The following PRKG1 variants were observed in gnomAD, a reference collection of about 807,000 sequenced individuals.
PRKG1 encodes the protein protein kinase cGMP-dependent 1.
A neutral mutation model predicts 88.1 loss-of-function variants in PRKG1; 35 were observed. That is an observed-to-expected ratio of 0.40 (90% CI 0.30 to 0.53). The LOEUF is 0.53. Among genes scored for constraint, PRKG1 ranks in the 20% least tolerant of loss-of-function variants. The pLI, the probability that PRKG1 is intolerant of heterozygous loss-of-function variation, is 0.59. For synonymous variants in PRKG1, 303 were observed against 292.5 expected (o/e 1.04, Z -0.37); for missense variants, 540 against 839.8 (o/e 0.64, Z 4.41).
At chr10:51,975,344 A>G (rs1008617464) in intron 5 of PRKG1, among the ~76,000 whole-genome samples, 1 of 152,044 alleles carries the variant, frequency 6.6e-6, no homozygotes, top group African/African-American at 2.4e-5. Flanking sequence ...ATGGATGACT[A>G]TAAAGGCAAT....
chr10:52,290,353 A>C (rs1842212426), intron 17 of PRKG1, 63 bp downstream of exon 17: 1 of 1,337,030 alleles, frequency 7.5e-7, no homozygotes. Context: ...TCAGTCAACA[A>C]TGATCTGTTA....
At chr10:51,294,832 A>T (rs1386916171) in intron 2 of PRKG1, among the ~76,000 whole-genome samples, 6 of 152,068 alleles carry the variant, frequency 3.9e-5, no homozygotes, top group Admixed American at 3.9e-4. Context: ...CCATCACTTT[A>T]GAGGCTGAGA....
chr10:52,216,607 T>C (rs1407113512), intron 9 of PRKG1, among the ~76,000 whole-genome samples: 1 of 152,226 alleles, frequency 6.6e-6, no homozygotes, highest in Non-Finnish European at 1.5e-5. Context: ...CAGCCAGGTC[T>C]GCAGAGCATT....
chr10:51,639,384 A>G (rs921690144), intron 3 of PRKG1, among the ~76,000 whole-genome samples: 1 of 131,844 alleles, frequency 7.6e-6, no homozygotes, highest in Non-Finnish European at 1.6e-5. Flanking sequence ...CAGTGAGCCG[A>G]GATAGTGCCA....
intron 3 of PRKG1, among the ~76,000 whole-genome samples, chr10:51,759,407 C>T (rs1022801627): frequency 6.6e-6 from 1 of 152,052 alleles, no homozygotes; most frequent in African/African-American, 2.4e-5. Context: ...GCTGGGACTA[C>T]AGGCATGCAC....
At chr10:51,350,927 C>G (rs1463624910) in intron 2 of PRKG1, among the ~76,000 whole-genome samples, 2 of 152,082 alleles carry the variant, frequency 1.3e-5, no homozygotes, top group African/African-American at 4.8e-5. Context: ...CCCCCCATCC[C>G]CTGACAGGCC....
At chr10:52,035,156 A>C (rs982433066) in intron 5 of PRKG1, among the ~76,000 whole-genome samples, 1 of 152,162 alleles carries the variant, frequency 6.6e-6, no homozygotes, top group Non-Finnish European at 1.5e-5. Context: ...AAGGGAAGAA[A>C]TGACTGCGGT....
intron 2 of PRKG1, among the ~76,000 whole-genome samples, chr10:51,269,030 A>T (rs1222087300): frequency 6.6e-6 from 1 of 152,106 alleles, no homozygotes; most frequent in Non-Finnish European, 1.5e-5. Flanking sequence ...TCAGCAAGGA[A>T]AAAACAATCC....
chr10:51,731,105 G>A (rs193194932), intron 3 of PRKG1, among the ~76,000 whole-genome samples: 1 of 152,216 alleles, frequency 6.6e-6, no homozygotes, highest in African/African-American at 2.4e-5. Flanking sequence ...GCAGTGAGCC[G>A]ACATGATGCC....
intron 2 of PRKG1, among the ~76,000 whole-genome samples, chr10:51,401,422 A>G (rs1837736948): frequency 6.6e-6 from 1 of 152,094 alleles, no homozygotes; most frequent in African/African-American, 2.4e-5. Context: ...AATCCTTGTA[A>G]TATCCTAGGT....
At position 51,894,903 on chromosome 10, in the gene PRKG1, G is replaced by C. The variant is rs574402542; in HGVS notation, c.699-12604G>C. Among the ~76,000 whole-genome samples, 7 of 152,252 alleles carry C rather than the reference G, an allele frequency of 4.6e-5. No homozygotes were observed. The South Asian group carries it at 1.0e-3, about 23-fold the overall frequency. The stretch of plus-strand genomic sequence containing the variant: ...GCTTGGCCTGACTTCTTATTTGTAT[G>C]TTAGAGATGAGAACACTGAGTTTCA... On this transcript the variant is annotated intron_variant, in intron 4 of 17. Transcript: ENST00000373980.
chr10:51,029,313 C>T (rs2132744126), intron 1 of PRKG1, among the ~76,000 whole-genome samples: 1 of 152,240 alleles, frequency 6.6e-6, no homozygotes, highest in Middle Eastern at 3.4e-3. Context: ...TCATTATAAC[C>T]AAGGGCTGTG....
Position 52,257,955 on chromosome 10 carries a change from T to C in PRKG1, c.1173+6289T>C, listed in dbSNP as rs1194188416. 1.4e-5 allele frequency among the ~76,000 whole-genome samples: 2 copies of C among 139,474 alleles called. 1 individual carries two copies. The highest frequency in any genetic ancestry group is 3.2e-5 in the Non-Finnish European group (2 of 61,784). The allele number at this position is 139,474 out of a possible 152,430, so 91.5% of individuals were successfully genotyped here. On this transcript the variant is annotated intron_variant, in intron 10 of 17. Coordinates refer to ENST00000373980, the MANE Select transcript of PRKG1 (RefSeq NM_006258.4). ...GTAGTAAAGCTTATCTCTACTTTGG[T>C]ATATGCAAATAAAGTAAGATAAGCA...
chr10:51,125,876 A>G (rs1447803263), intron 1 of PRKG1, among the ~76,000 whole-genome samples: 3 of 139,006 alleles, frequency 2.2e-5, no homozygotes, highest in Non-Finnish European at 4.6e-5. Context: ...AATTTTTAAT[A>G]AACTTATATG....
intron 3 of PRKG1, among the ~76,000 whole-genome samples, chr10:51,591,184 C>A (rs559197444): frequency 1.3e-5 from 2 of 152,060 alleles, no homozygotes; most frequent in African/African-American, 4.8e-5. Context: ...TGCACACATA[C>A]ACGCATGCAT....
At chr10:51,552,577 A>C (rs896593715) in intron 3 of PRKG1, among the ~76,000 whole-genome samples, 4 of 151,628 alleles carry the variant, frequency 2.6e-5, no homozygotes, top group African/African-American at 7.2e-5. Context: ...TTATTTAAGA[A>C]AATGTCCTGA....
chr10:51,500,087 A>AT (rs775937084), intron 3 of PRKG1, among the ~76,000 whole-genome samples: 1 of 152,112 alleles, frequency 6.6e-6, no homozygotes, highest in Non-Finnish European at 1.5e-5. Context: ...TTCAATATTT[A>AT]TTTTTTTATT....
chr10:51,165,424 G>A (rs1489522869), intron 2 of PRKG1, among the ~76,000 whole-genome samples: 10 of 152,060 alleles, frequency 6.6e-5, no homozygotes, highest in African/African-American at 1.4e-4. Flanking sequence ...GGAACAACCG[G>A]TACCAGCCAC....
chr10:51,907,770 A>G (rs1323251293), intron 5 of PRKG1, 200 bp downstream of exon 5: 3 of 447,390 alleles, frequency 6.7e-6, no homozygotes, highest in African/African-American at 2.0e-5. Context: ...GTGCAAATCA[A>G]CCTAATTATA....
Sources: allele counts gnomAD v4.1 joint callset (sites outside exome capture counted in the v4.1 genomes callset), GRCh38; gene constraint gnomAD v4.1.1; transcripts MANE v1.5; gene names NCBI Gene and HGNC (gene_info 2026-07-23, HGNC 2026-07-21).